The following C6orf62 variants were observed in gnomAD, a reference collection of about 807,000 sequenced individuals.
The protein encoded by C6orf62 is uncharacterized protein C6orf62.
A neutral mutation model predicts 26.8 loss-of-function variants in C6orf62; 16 were observed. The ratio of observed to expected loss-of-function variants is 0.60; its 90% CI spans 0.40 to 0.91. The LOEUF is 0.91. Ranked by LOEUF, C6orf62 falls within the 40% of genes least tolerant of loss-of-function variation. C6orf62 has a pLI of 0.00. For synonymous variants in C6orf62, 112 were observed against 91.5 expected (o/e 1.22, Z -1.28); for missense variants, 192 against 271.4 (o/e 0.71, Z 2.06).
chr6:24,718,491 A>T (rs1052805359), intron 1 of C6orf62, 49 bp downstream of exon 1: 1 of 1,513,886 alleles, frequency 6.6e-7, no homozygotes. Flanking sequence ...AATAATATAC[A>T]CTTACAAAAA....
At chr6:24,713,530 T>C (rs1328840164) in intron 3 of C6orf62, among the ~76,000 whole-genome samples, 1 of 152,210 alleles carries the variant, frequency 6.6e-6, no homozygotes, top group African/African-American at 2.4e-5. Flanking sequence ...AAAGAAGCCT[T>C]CTAATATTTG....
intron 4 of C6orf62, 138 bp downstream of exon 4, chr6:24,708,637 CTA>C (rs1227395663): frequency 1.7e-6 from 2 of 1,148,440 alleles, no homozygotes; most frequent in Non-Finnish European, 2.5e-6. Flanking sequence ...CATGCCCAGC[CTA>C]TTTTTTGCTT....
intron 3 of C6orf62, chr6:24,710,415 C>G (rs1779097911): frequency 2.9e-6 from 1 of 340,904 alleles, no homozygotes; most frequent in African/African-American, 2.2e-5. Flanking sequence ...CAGGCATGCA[C>G]CACCACGCCC....
chr6:24,716,352 C>T (rs1779229268), intron 1 of C6orf62, 28 bp from the exon 2 acceptor site: 1 of 1,563,294 alleles, frequency 6.4e-7, no homozygotes, highest in Non-Finnish European at 8.8e-7. Context: ...GGTGTATTAA[C>T]CCACAGGGAG....
At chr6:24,713,792 T>C (rs1779172307) in intron 3 of C6orf62, among the ~76,000 whole-genome samples, 1 of 152,130 alleles carries the variant, frequency 6.6e-6, no homozygotes, top group African/African-American at 2.4e-5. Flanking sequence ...CCCTTAACAC[T>C]AGAGGGGGGA....
Position 24,708,864 on chromosome 6 carries a change from A to C in C6orf62, c.477T>G (p.His159Gln), listed in dbSNP as rs1779066444. 6.2e-7 allele frequency: 1 copy of C among 1,614,122 alleles called. No homozygotes were observed. Among genetic ancestry groups the C allele is most frequent in the African/African-American group, 1.3e-5 (1 of 74,944 alleles). Reference protein sequence around the residue: ...HHGDYEKQFLHVLSRKDKTGI... With the variant: ...HHGDYEKQFLQVLSRKDKTGI... ...CAGTCTTGTCCTTGCGGCTCAGTAC[A>C]TGCAGAAACTGTTTTTCATAGTCAC... The change falls in exon 4 of 5, where the codon CAT becomes CAG. Residue 159 changes from histidine to glutamine, a missense_variant. Transcript: ENST00000378119.
At chr6:24,712,033 A>C (rs1467514515) in intron 3 of C6orf62, among the ~76,000 whole-genome samples, 2 of 152,160 alleles carry the variant, frequency 1.3e-5, no homozygotes, top group African/African-American at 2.4e-5. Context: ...TTTCTGTCTC[A>C]GTTTCTTCCT....
rs376039383 is a variant in C6orf62, at chr6:24,711,530, C to G, written c.430-2619G>C. On this transcript the variant is annotated intron_variant, in intron 3 of 4. Coordinates refer to ENST00000378119, the MANE Select transcript of C6orf62 (RefSeq NM_030939.5). ...CTTCAAAAGGCCAGGCACGGTGACT[C>G]ACACCTGTAATCTCAGCACTTTGGG... Among the ~76,000 whole-genome samples, 77 of 152,112 alleles carry G rather than the reference C, an allele frequency of 5.1e-4. 1 individual carries two copies. Among genetic ancestry groups the G allele is most frequent in the African/African-American group, 1.4e-3 (59 of 41,412 alleles).
At position 24,705,169 on chromosome 6, in the gene C6orf62, A is replaced by C. The variant is rs967283099; in HGVS notation, c.*968T>G. 1.3e-5 allele frequency: 2 copies of C among 152,462 alleles called. No homozygotes were observed. The highest frequency in any genetic ancestry group is 4.8e-5 in the African/African-American group (2 of 41,434). 9.4% of individuals were successfully genotyped at this position (152,462 alleles called of 1,614,324 possible). A position where few individuals can be genotyped will look rare whatever the true frequency, so the allele number is the denominator to read the frequency against. On this transcript the variant is annotated 3_prime_UTR_variant, in exon 5 of 5. Transcript: ENST00000378119. ...TTTGACACTCAATGGTTAATTTTAC[A>C]ATTTAAGATTCCAACTTTATAACCT...
chr6:24,716,245 C>T lies in C6orf62; in HGVS notation c.209G>A (p.Gly70Asp), dbSNP rs777223686. The T allele has an allele frequency of 6.2e-7, 1 of 1,613,650 alleles. No homozygotes were observed. Among genetic ancestry groups the T allele is most frequent in the South Asian group, 1.1e-5 (1 of 91,082 alleles). ...TNNYEENILK[G>D]VRDSSYSLES... ...CAAGGAATAGCTGGAATCTCGCACA[C>T]CTTTCAGGATATTTTCTTCATAATT... Residue 70 changes from glycine (G) to aspartate (D), a missense_variant, in exon 2 of 5, where the codon GGT becomes GAT. Transcript: ENST00000378119.
chr6:24,711,232 G>A (rs903098410), intron 3 of C6orf62, among the ~76,000 whole-genome samples: 1 of 147,712 alleles, frequency 6.8e-6, no homozygotes, highest in Non-Finnish European at 1.5e-5. Context: ...TATCTGAAAA[G>A]AAATGGTACA....
chr6:24,709,452 T>C, intron 3 of C6orf62: 1 of 982,582 alleles, frequency 1.0e-6, no homozygotes, highest in Non-Finnish European at 1.2e-6. Flanking sequence ...TAACCCTAGC[T>C]GCACAACTCA....
Position 24,716,070 on chromosome 6 carries a change from A to C in C6orf62, c.306+78T>G, listed in dbSNP as rs1310291989. 2.7e-6 allele frequency: 3 copies of C among 1,093,196 alleles called. No individual in the cohort carries two copies. In the East Asian group the frequency reaches 7.7e-5, roughly 28 times the overall value. 67.7% of individuals were successfully genotyped at this position (1,093,196 alleles called of 1,614,324 possible). A position where few individuals can be genotyped will look rare whatever the true frequency, so the allele number is the denominator to read the frequency against. ...GTCACTATCATAACTATCCACTTTA[A>C]GGGGGGTTCGGGGGGCGGGGAAATG... On this transcript the variant is annotated intron_variant, in intron 2 of 4. Transcript: ENST00000378119.
chr6:24,711,881 A>G (rs968129339), intron 3 of C6orf62, among the ~76,000 whole-genome samples: 1 of 152,212 alleles, frequency 6.6e-6, no homozygotes, highest in Non-Finnish European at 1.5e-5. Context: ...CATTACCTAC[A>G]TCATACTGCT....
At chr6:24,716,950 T>C (rs911621921) in intron 1 of C6orf62, among the ~76,000 whole-genome samples, 10 of 152,290 alleles carry the variant, frequency 6.6e-5, no homozygotes, top group African/African-American at 2.4e-4. Flanking sequence ...CTTGAACTCC[T>C]GACCTCAAGT....
intron 3 of C6orf62, chr6:24,709,210 A>G: frequency 1.0e-6 from 1 of 982,292 alleles, no homozygotes; most frequent in Non-Finnish European, 1.2e-6. Context: ...CCTTAATTGT[A>G]GAGAATTCTA....
intron 4 of C6orf62, 109 bp downstream of exon 4, chr6:24,708,668 T>C: frequency 7.0e-7 from 1 of 1,427,590 alleles, no homozygotes; most frequent in South Asian, 1.2e-5. Flanking sequence ...ACTTCAAAAA[T>C]AATGCAGTGT....
At chr6:24,719,574 G>T, upstream of C6orf62, 1 of 1,308,428 alleles carries the variant, frequency 7.6e-7, no homozygotes, top group Non-Finnish European at 9.7e-7. Context: ...AGGAAAAGGG[G>T]TATATAATAC....
upstream of C6orf62, chr6:24,720,446 G>C (rs1424651463): frequency 9.2e-7 from 1 of 1,088,352 alleles, no homozygotes; most frequent in African/African-American, 1.6e-5. Context: ...CCATAGTCTG[G>C]CTCGGCGCCC....
Sources: gnomAD v4.1 joint callset for allele counts (sites outside exome capture counted in the v4.1 genomes callset) on GRCh38, gnomAD v4.1.1 for gene constraint, MANE v1.5 for transcripts, NCBI Gene and HGNC (gene_info 2026-07-23, HGNC 2026-07-21) for gene names.